The following TP63 variants were observed in gnomAD, a reference collection of about 807,000 sequenced individuals.
The protein encoded by TP63 is tumor protein 63.
In TP63, 17 loss-of-function variants were observed where a neutral mutation model predicts 82.8. That is an observed-to-expected ratio of 0.21 (90% confidence interval 0.14 to 0.31). TP63 has a LOEUF of 0.31. Among genes scored for constraint, TP63 ranks in the 10% least tolerant of loss-of-function variants. The probability of loss-of-function intolerance (pLI) is 1.00; values close to 1 mark genes in which losing one functional copy is unlikely to be tolerated. For missense variants in TP63, 648 were observed against 895.3 expected (o/e 0.72, Z 3.52); for synonymous variants, 330 against 321.7 (o/e 1.03, Z -0.28).
At position 189,643,063 on chromosome 3, in the gene TP63, G is replaced by A. The variant is rs191871525; in HGVS notation, c.62+11486G>A. The stretch of plus-strand genomic sequence containing the variant: ...GTCGCCCAGGGTGGAGTACAATGGC[G>A]CAATCTCAGCTCACTGCAACTTCTG... On this transcript the variant is annotated intron_variant, in intron 1 of 13. Coordinates refer to ENST00000264731, the MANE Select transcript of TP63 (RefSeq NM_003722.5). Among the ~76,000 whole-genome samples the A allele has an allele frequency of 5.6e-4, 85 of 151,774 alleles. No individual in the cohort carries two copies. In the Middle Eastern group the frequency reaches 0.01, roughly 18 times the overall value.
Position 189,657,858 on chromosome 3 carries a change from T to C in TP63, c.62+26281T>C, listed in dbSNP as rs1179440636. ...CTACCAACTGATGGCCTCGGAGGAGTGATGTCCCAGGAGCAAAGGGCATAT... is the reference window on the plus strand; with the variant it reads ...CTACCAACTGATGGCCTCGGAGGAGCGATGTCCCAGGAGCAAAGGGCATAT... On this transcript the variant is annotated intron_variant, in intron 1 of 13. Coordinates refer to ENST00000264731, the MANE Select transcript of TP63 (RefSeq NM_003722.5). 3.9e-5 allele frequency among the ~76,000 whole-genome samples: 6 copies of C among 151,982 alleles called. No individual in the cohort carries two copies. In the East Asian group the frequency reaches 9.7e-4, roughly 24 times the overall value.
At chr3:189,869,460 G>C (rs1304108735) in intron 9 of TP63, 54 bp downstream of exon 9, 1 of 1,459,528 alleles carries the variant, frequency 6.9e-7, no homozygotes, top group Non-Finnish European at 9.6e-7. Context: ...CTTTGAATGG[G>C]CTTTTACAGT....
the TP63 span, among the ~76,000 whole-genome samples, chr3:189,616,448 CT>C: frequency 6.6e-6 from 1 of 152,192 alleles, no homozygotes; most frequent in African/African-American, 2.4e-5. Flanking sequence ...TTCTTCCTTG[CT>C]ACAACAAATA....
chr3:189,750,796 G>T (rs2108521535), intron 3 of TP63, among the ~76,000 whole-genome samples: 1 of 152,196 alleles, frequency 6.6e-6, no homozygotes, highest in Non-Finnish European at 1.5e-5. Context: ...TTTGTTTGGT[G>T]TCAAGTGCCT....
At chr3:189,741,982 C>T (rs769237493) in intron 3 of TP63, among the ~76,000 whole-genome samples, 9 of 152,174 alleles carry the variant, frequency 5.9e-5, no homozygotes, top group Middle Eastern at 3.4e-3. Flanking sequence ...TTGGCTCAGG[C>T]CTGTAATCTC....
chr3:189,804,070 A>G (rs1413015056), intron 3 of TP63, among the ~76,000 whole-genome samples: 4 of 152,154 alleles, frequency 2.6e-5, no homozygotes, highest in African/African-American at 7.2e-5. Context: ...TAAGAAATAC[A>G]TGCATATGGG....
At chr3:189,707,673 C>T (rs904400739) in intron 1 of TP63, among the ~76,000 whole-genome samples, 3 of 152,066 alleles carry the variant, frequency 2.0e-5, no homozygotes, top group African/African-American at 7.2e-5. Flanking sequence ...AAAATGATTA[C>T]TTTAAAAAAC....
chr3:189,689,178 A>T (rs1284728719), intron 1 of TP63, among the ~76,000 whole-genome samples: 1 of 122,182 alleles, frequency 8.2e-6, no homozygotes, highest in Non-Finnish European at 1.6e-5. Context: ...GTGCAATGGC[A>T]TGAACTGGTT....
At chr3:189,891,156 A>G (rs546207082) in intron 13 of TP63, among the ~76,000 whole-genome samples, 55 of 152,332 alleles carry the variant, frequency 3.6e-4, no homozygotes, top group African/African-American at 1.2e-3. Flanking sequence ...AAGAGGAGCT[A>G]TTCCCGCAAT....
At chr3:189,656,165 A>G (rs1920249) in intron 1 of TP63, among the ~76,000 whole-genome samples, 66,834 of 151,990 alleles carry the variant, frequency 0.44, 16,086 homozygotes, top group Middle Eastern at 0.69. Flanking sequence ...CAATGTATTA[A>G]ATGATTAAAG....
intron 1 of TP63, among the ~76,000 whole-genome samples, chr3:189,734,620 C>G (rs1448796906): frequency 6.6e-6 from 1 of 152,158 alleles, no homozygotes; most frequent in African/African-American, 2.4e-5. Context: ...CAGATAGTCA[C>G]TTAATGTCTG....
rs184955021 is a variant in TP63, at chr3:189,711,959, A to T, written c.63-25781A>T. Reference sequence around the variant, plus strand: ...GAAGAGCAAAAGCATGAAGGAGAAAAGTGGAAGAAGTGTGGAGGCCACTTG... The same window carrying T: ...GAAGAGCAAAAGCATGAAGGAGAAATGTGGAAGAAGTGTGGAGGCCACTTG... On this transcript the variant is annotated intron_variant, in intron 1 of 13. Transcript: ENST00000264731. 1.1e-3 allele frequency among the ~76,000 whole-genome samples: 173 copies of T among 152,274 alleles called. 2 individuals carry two copies. The highest frequency in any genetic ancestry group is 9.7e-3 in the Admixed American group (148 of 15,288).
At position 189,831,679 on chromosome 3, in the gene TP63, A is replaced by C. The variant is rs1461065582; in HGVS notation, c.579+23153A>C. Reference sequence around the variant, plus strand: ...CACCGTTTGAGCTCCTACCCTTCCTAATCTTCTTTCTCTAATACGAGAACA... The same window carrying C: ...CACCGTTTGAGCTCCTACCCTTCCTCATCTTCTTTCTCTAATACGAGAACA... On this transcript the variant is annotated intron_variant, in intron 4 of 13. Coordinates refer to ENST00000264731, the MANE Select transcript of TP63 (RefSeq NM_003722.5). 2.0e-5 allele frequency among the ~76,000 whole-genome samples: 3 copies of C among 151,774 alleles called. No individual in the cohort carries two copies. The East Asian group carries it at 5.8e-4, about 29-fold the overall frequency.
intron 3 of TP63, among the ~76,000 whole-genome samples, chr3:189,794,539 G>A (rs1725494094): frequency 6.6e-6 from 1 of 151,998 alleles, no homozygotes; most frequent in Non-Finnish European, 1.5e-5. Context: ...GCAAAGGGAA[G>A]GGGGGTGAGG....
At chr3:189,722,551 G>A (rs533551322) in intron 1 of TP63, among the ~76,000 whole-genome samples, 3 of 152,252 alleles carry the variant, frequency 2.0e-5, no homozygotes, top group African/African-American at 4.8e-5. Context: ...GCCAGTGAAC[G>A]CATTGGGCCT....
intron 1 of TP63, among the ~76,000 whole-genome samples, chr3:189,714,334 A>T (rs1032384176): frequency 6.6e-6 from 1 of 152,194 alleles, no homozygotes; most frequent in African/African-American, 2.4e-5. Flanking sequence ...ATGCAAAGAG[A>T]TGAGGTTTTA....
At chr3:189,811,094 G>C (rs762908418) in intron 4 of TP63, among the ~76,000 whole-genome samples, 34 of 152,130 alleles carry the variant, frequency 2.2e-4, no homozygotes, top group Non-Finnish European at 3.2e-4. Context: ...ATGAGAAAAA[G>C]GCACTGACTG....
intron 4 of TP63, among the ~76,000 whole-genome samples, chr3:189,827,975 T>G (rs1421722754): frequency 6.6e-6 from 1 of 152,174 alleles, no homozygotes; most frequent in Non-Finnish European, 1.5e-5. Context: ...GTGCAATGGC[T>G]CATGCCTGTA....
the TP63 span, among the ~76,000 whole-genome samples, chr3:189,604,878 G>A: frequency 1.3e-5 from 2 of 152,090 alleles, no homozygotes; most frequent in African/African-American, 2.4e-5. Flanking sequence ...ACTTTACATG[G>A]TTTATTTACC....
Sources: allele counts gnomAD v4.1 joint callset (sites outside exome capture counted in the v4.1 genomes callset), GRCh38; gene constraint gnomAD v4.1.1; transcripts MANE v1.5; gene names NCBI Gene and HGNC (gene_info 2026-07-23, HGNC 2026-07-21).